NEK1: variants seen among roughly 807,000 people sequenced by gnomAD.
NEK1 encodes the protein NIMA related kinase 1.
In NEK1, 137 loss-of-function variants were observed where a neutral mutation model predicts 182.1. That is an observed-to-expected ratio of 0.75 (90% confidence interval 0.65 to 0.87). The LOEUF (loss-of-function observed/expected upper bound fraction) is 0.87. Ranked by LOEUF, NEK1 falls within the 40% of genes least tolerant of loss-of-function variation. The pLI, the probability that NEK1 is intolerant of heterozygous loss-of-function variation, is 0.00. For synonymous variants in NEK1, 513 were observed against 492.2 expected, an observed-to-expected ratio of 1.04 and a Z score of -0.56; for missense variants, 1,391 against 1,494.4, an observed-to-expected ratio of 0.93 and a Z score of 1.14.
intron 12 of NEK1, 81 bp downstream of exon 12, chr4:169,576,847 T>A: frequency 7.8e-7 from 1 of 1,284,128 alleles, no homozygotes; most frequent in South Asian, 1.3e-5. Context: ...TCCTATAATA[T>A]CAAGGTAACT....
At chr4:169,480,510 TAA>T (rs58933123) in intron 23 of NEK1, among the ~76,000 whole-genome samples, 9,274 of 100,186 alleles carry the variant, frequency 0.093, 1,033 homozygotes, top group African/African-American at 0.28. Context: ...ACCTCATTCC[TAA>T]AAAAAAAAAA....
intron 23 of NEK1, among the ~76,000 whole-genome samples, chr4:169,502,326 C>T (rs992467743): frequency 1.3e-5 from 2 of 151,390 alleles, no homozygotes; most frequent in Non-Finnish European, 2.9e-5. Context: ...GATGCCAATC[C>T]TACTGAAATT....
At chr4:169,592,998 G>C (rs1768796969) in intron 5 of NEK1, among the ~76,000 whole-genome samples, 1 of 152,142 alleles carries the variant, frequency 6.6e-6, no homozygotes, top group East Asian at 1.9e-4. Context: ...GAGTTTACCA[G>C]TAGAAATGGA....
In NEK1 at chr4:169,507,729, T is replaced by C. The variant is rs766689467; in HGVS notation, c.1897A>G (p.Ile633Val). ...CTAGTCTATACCTTCAGTGATTCGA[T>C]TTTTTTGCGCCTCATGTCAGCCTCT... ...SEEADMRRKKIESLKAHANAR... is the reference protein window; with the variant it reads ...SEEADMRRKKVESLKAHANAR... The change falls in exon 22 of 36, where the codon ATC (isoleucine) becomes GTC (valine). Residue 633 changes from isoleucine to valine, a missense_variant. By Grantham distance (29) the Ile-to-Val change is conservative. Around this residue, in one of 5 missense-constraint regions of NEK1, gnomAD observed 1,216 missense variants for 1,277.6 expected, o/e 0.95. Transcript: ENST00000507142. 1.2e-6 allele frequency: 2 copies of C among 1,610,900 alleles called. No homozygotes were observed. The highest frequency in any genetic ancestry group is 1.7e-6 in the Non-Finnish European group (2 of 1,177,956).
intron 27 of NEK1, among the ~76,000 whole-genome samples, chr4:169,449,784 C>T (rs2149461598): frequency 6.6e-6 from 1 of 152,336 alleles, no homozygotes; most frequent in African/African-American, 2.4e-5. Context: ...CAAAGAATCA[C>T]AGCTCCTTGC....
At chr4:169,564,909 G>C (rs988937646) in intron 12 of NEK1, among the ~76,000 whole-genome samples, 1 of 152,086 alleles carries the variant, frequency 6.6e-6, no homozygotes, top group South Asian at 2.1e-4. Context: ...CAAGGCTATA[G>C]CAACAAAGTG....
intron 31 of NEK1, among the ~76,000 whole-genome samples, chr4:169,419,920 C>A (rs762689685): frequency 4.6e-5 from 7 of 152,092 alleles, no homozygotes; most frequent in Non-Finnish European, 1.0e-4. Flanking sequence ...TAGGTACTTA[C>A]CATGAATGGA....
intron 9 of NEK1, among the ~76,000 whole-genome samples, chr4:169,586,465 G>A (rs1216512043): frequency 1.3e-5 from 2 of 151,918 alleles, no homozygotes; most frequent in Non-Finnish European, 2.9e-5. Flanking sequence ...CAATTGACAC[G>A]CTCTTCATAA....
At chr4:169,577,162 T>C (rs1765819799) in intron 11 of NEK1, 83 bp from the exon 12 acceptor site, 1 of 1,279,208 alleles carries the variant, frequency 7.8e-7, no homozygotes, top group Admixed American at 2.1e-5. Flanking sequence ...ATAGCACTGT[T>C]TAATTTTCAT....
At chr4:169,570,423 C>G (rs567894240) in intron 12 of NEK1, among the ~76,000 whole-genome samples, 11 of 151,678 alleles carry the variant, frequency 7.3e-5, no homozygotes, top group Admixed American at 2.0e-4. Flanking sequence ...GTCAGCCCCC[C>G]ACCAGGCCAG....
At chr4:169,449,305 G>C (rs1741243480) in intron 27 of NEK1, among the ~76,000 whole-genome samples, 1 of 152,238 alleles carries the variant, frequency 6.6e-6, no homozygotes, top group African/African-American at 2.4e-5. Context: ...GAGAGCAGTG[G>C]TTCTCCCAGC....
At chr4:169,560,478 C>T (rs1278419707) in intron 16 of NEK1, among the ~76,000 whole-genome samples, 1 of 152,130 alleles carries the variant, frequency 6.6e-6, no homozygotes, top group Non-Finnish European at 1.5e-5. Flanking sequence ...TAACGTAACC[C>T]TGGGAGAGAC....
At chr4:169,447,545 T>C (rs993776619) in intron 27 of NEK1, among the ~76,000 whole-genome samples, 12 of 152,246 alleles carry the variant, frequency 7.9e-5, no homozygotes, top group Non-Finnish European at 1.3e-4. Context: ...GTGTGTAAGC[T>C]ACTCATATCT....
intron 23 of NEK1, among the ~76,000 whole-genome samples, chr4:169,499,490 G>A (rs1039948385): frequency 1.3e-5 from 2 of 152,252 alleles, no homozygotes; most frequent in South Asian, 4.1e-4. Flanking sequence ...GATTTTTAGA[G>A]TTTCCAGTTT....
chr4:169,543,264 T>C (rs1759771724), intron 18 of NEK1, among the ~76,000 whole-genome samples: 1 of 152,186 alleles, frequency 6.6e-6, no homozygotes, highest in South Asian at 2.1e-4. Flanking sequence ...CCACCACTTG[T>C]TTATCGGGTT....
At chr4:169,611,379 G>T (rs887174190) in intron 2 of NEK1, among the ~76,000 whole-genome samples, 1 of 152,056 alleles carries the variant, frequency 6.6e-6, no homozygotes, top group Non-Finnish European at 1.5e-5. Flanking sequence ...ATGTAAACTA[G>T]AAACAAGGAG....
rs1160851033 is a variant in NEK1 at position 169,393,097 on chromosome 4, C to G, written c.*1413G>C. 1.3e-5 allele frequency: 2 copies of G among 152,122 alleles called. No homozygotes were observed. The highest frequency in any genetic ancestry group is 1.3e-4 in the Admixed American group (2 of 15,274). The allele number at this position is 152,122 out of a possible 1,614,324, so 9.4% of individuals were successfully genotyped here. ...AATAGTTTAAGAATTAATACACAAC[C>G]TCCCCAAAATCATGCCCATCTTTCA... On this transcript the variant is annotated 3_prime_UTR_variant, in exon 36 of 36. Transcript: ENST00000507142.
chr4:169,549,242 G>T (rs2149875780), intron 18 of NEK1, among the ~76,000 whole-genome samples: 1 of 152,254 alleles, frequency 6.6e-6, no homozygotes, highest in Non-Finnish European at 1.5e-5. Flanking sequence ...GTTCCTGGGT[G>T]AGGTGACACC....
At chr4:169,401,527 C>A in intron 33 of NEK1, 125 bp downstream of exon 33, 2 of 651,406 alleles carry the variant, frequency 3.1e-6, no homozygotes, top group Admixed American at 6.0e-5. Flanking sequence ...AGGGGAGAGA[C>A]CCAGAGGCAT....
Sources: allele counts gnomAD v4.1 joint callset (sites outside exome capture counted in the v4.1 genomes callset), GRCh38; gene constraint gnomAD v4.1.1; regional missense constraint gnomAD v4.1.1; transcripts MANE v1.5; gene names NCBI Gene and HGNC (gene_info 2026-07-23, HGNC 2026-07-21).